Variants in SYNE2 observed in about 807,000 individuals in gnomAD.
SYNE2 encodes spectrin repeat containing nuclear envelope protein 2.
In SYNE2, 431 loss-of-function variants were observed where a neutral mutation model predicts 856.3. The observed-to-expected ratio is 0.50, with a 90% CI of 0.47 to 0.55. SYNE2 has a LOEUF of 0.55. Among genes scored for constraint, SYNE2 ranks in the 20% least tolerant of loss-of-function variants. SYNE2 has a pLI of 0.00. For missense variants in SYNE2, 8,129 were observed against 8,023.2 expected (o/e 1.01, Z -0.50); for synonymous variants, 2,923 against 2,872.3 (o/e 1.02, Z -0.56).
intron 21 of SYNE2, among the ~76,000 whole-genome samples, chr14:63,993,160 G>A (rs750918614): frequency 3.3e-5 from 5 of 152,214 alleles, no homozygotes; most frequent in Non-Finnish European, 7.3e-5. Flanking sequence ...AAACTTTGAA[G>A]TTGATGGTGA....
At chr14:64,138,948 T>G (rs376318407) in intron 79 of SYNE2, among the ~76,000 whole-genome samples, 4 of 88,192 alleles carry the variant, frequency 4.5e-5, no homozygotes, top group Admixed American at 1.2e-4. Context: ...GTATGTATGG[T>G]GTGTGTGTGT....
In SYNE2 at chr14:63,974,638, A is replaced by G. The variant is rs566066447; in HGVS notation, c.1129-1925A>G. Among the ~76,000 whole-genome samples, 8 of 150,924 alleles carry G rather than the reference A, an allele frequency of 5.3e-5. No homozygotes were observed. The East Asian group carries it at 1.6e-3, about 30-fold the overall frequency. ...CACTGGTGTGATCTTGGCTCACTGCAGCCTCCACCTCCTGGGTTCCAGCGA... is the reference window on the plus strand; with the variant it reads ...CACTGGTGTGATCTTGGCTCACTGCGGCCTCCACCTCCTGGGTTCCAGCGA... On this transcript the variant is annotated intron_variant, in intron 11 of 115. Coordinates refer to ENST00000555002, the MANE Select transcript of SYNE2 (RefSeq NM_182914.3).
At chr14:63,969,190 G>C (rs140356171) in intron 11 of SYNE2, among the ~76,000 whole-genome samples, 42 of 138,520 alleles carry the variant, frequency 3.0e-4, no homozygotes, top group African/African-American at 1.1e-3. Flanking sequence ...TTTTTTTTGA[G>C]ATGGAGTCTT....
chr14:64,035,833 C>A (rs1291994804), intron 45 of SYNE2, among the ~76,000 whole-genome samples: 2 of 151,570 alleles, frequency 1.3e-5, no homozygotes, highest in Non-Finnish European at 2.9e-5. Flanking sequence ...TAGTAGGACT[C>A]CAGGCATGTA....
intron 78 of SYNE2, among the ~76,000 whole-genome samples, chr14:64,136,955 C>G (rs1487173338): frequency 6.6e-6 from 1 of 152,222 alleles, no homozygotes; most frequent in Non-Finnish European, 1.5e-5. Context: ...CTAGAGCCAG[C>G]AGCTGCTGCT....
intron 57 of SYNE2, among the ~76,000 whole-genome samples, chr14:64,086,391 C>T (rs1487011563): frequency 6.6e-6 from 1 of 152,216 alleles, no homozygotes; most frequent in East Asian, 1.9e-4. Context: ...TGACAGTCTT[C>T]ATTACTATAG....
intron 18 of SYNE2, among the ~76,000 whole-genome samples, chr14:63,986,146 C>A (rs1467951961): frequency 2.6e-5 from 4 of 152,160 alleles, no homozygotes; most frequent in Non-Finnish European, 5.9e-5. Flanking sequence ...GTTGCCCAGG[C>A]TGGAATGCAG....
chr14:64,022,132 A>G, intron 37 of SYNE2, 104 bp downstream of exon 37: 1 of 1,074,108 alleles, frequency 9.3e-7, no homozygotes, highest in Non-Finnish European at 1.4e-6. Context: ...GATGGTTTGC[A>G]CAGACTACAT....
rs369550527 is a variant in SYNE2 at position 64,038,434 on chromosome 14, C to T, written c.7221+7077C>T. Reference sequence around the variant, plus strand: ...GCAGAGACACTCCTCACTTCCCAGACGGGGTGGCGGCTTGGCAGAGGCTGC... The same window carrying T: ...GCAGAGACACTCCTCACTTCCCAGATGGGGTGGCGGCTTGGCAGAGGCTGC... On this transcript the variant is annotated intron_variant, in intron 45 of 115. Coordinates refer to ENST00000555002, the MANE Select transcript of SYNE2 (RefSeq NM_182914.3). Among the ~76,000 whole-genome samples the T allele has an allele frequency of 1.1e-3, 162 of 152,358 alleles. 1 individual carries two copies. Among genetic ancestry groups the T allele is most frequent in the African/African-American group, 3.5e-3 (145 of 41,580 alleles).
intron 1 of SYNE2, among the ~76,000 whole-genome samples, chr14:63,840,606 G>T (rs1392975660): frequency 6.6e-6 from 1 of 151,220 alleles, no homozygotes; most frequent in Non-Finnish European, 1.5e-5. Flanking sequence ...CTCCCCAGTA[G>T]CAGGGATTAC....
intron 1 of SYNE2, among the ~76,000 whole-genome samples, chr14:63,807,859 A>G (rs1196622923): frequency 1.0e-5 from 1 of 99,988 alleles, no homozygotes; most frequent in African/African-American, 3.9e-5. Context: ...ATATATATAT[A>G]TATATAATTT....
intron 23 of SYNE2, 126 bp downstream of exon 23, chr14:63,995,328 A>G (rs2096704824): frequency 5.4e-6 from 4 of 739,618 alleles, no homozygotes; most frequent in Non-Finnish European, 6.7e-6. Flanking sequence ...CTCCCCGGGG[A>G]TGATCACTTC....
intron 49 of SYNE2, among the ~76,000 whole-genome samples, chr14:64,060,256 C>T (rs1168971289): frequency 6.6e-6 from 1 of 152,154 alleles, no homozygotes; most frequent in East Asian, 1.9e-4. Flanking sequence ...TGTGCTGAGT[C>T]CCACCTGAAG....
At chr14:63,894,445 C>A (rs1776662657) in intron 1 of SYNE2, among the ~76,000 whole-genome samples, 1 of 152,130 alleles carries the variant, frequency 6.6e-6, no homozygotes, top group African/African-American at 2.4e-5. Flanking sequence ...TGGTCTTGAA[C>A]TCCTGGCCTC....
At chr14:63,809,832 C>T (rs1888546414) in intron 1 of SYNE2, among the ~76,000 whole-genome samples, 1 of 151,418 alleles carries the variant, frequency 6.6e-6, no homozygotes, top group Admixed American at 6.6e-5. Flanking sequence ...TTGATAATTT[C>T]CTGAAATCAA....
At chr14:63,964,027 G>A (rs1296949926) in intron 10 of SYNE2, 27 bp downstream of exon 10, 16 of 1,359,330 alleles carry the variant, frequency 1.2e-5, no homozygotes, top group Non-Finnish European at 1.7e-5. Flanking sequence ...ACAGCTGTTT[G>A]TAATTTACCT....
At chr14:64,210,258 C>T in intron 103 of SYNE2, 134 bp downstream of exon 103, 1 of 1,181,290 alleles carries the variant, frequency 8.5e-7, no homozygotes, top group Non-Finnish European at 1.2e-6. Context: ...AACAGTCCTC[C>T]AACACAAAGA....
Position 64,083,146 on chromosome 14 carries a change from G to A in SYNE2, c.11484+1566G>A, listed in dbSNP as rs561978420. On this transcript the variant is annotated intron_variant, in intron 57 of 115. Coordinates refer to ENST00000555002, the MANE Select transcript of SYNE2 (RefSeq NM_182914.3). ...GCTGCTGACCTCAGACCTCCCTGAC[G>A]TTTGAGAATCGTTGGCATATTTTTT... Among the ~76,000 whole-genome samples, 7 of 152,176 alleles carry A rather than the reference G, an allele frequency of 4.6e-5. No individual in the cohort carries two copies. In the South Asian group the frequency reaches 1.2e-3, roughly 27 times the overall value.
At chr14:63,836,091 A>G (rs1033599545) in intron 1 of SYNE2, among the ~76,000 whole-genome samples, 5 of 152,028 alleles carry the variant, frequency 3.3e-5, no homozygotes, top group Admixed American at 1.3e-4. Flanking sequence ...GCTGGAGTGC[A>G]GTGCAATGCA....
Sources: gnomAD v4.1 joint callset for allele counts (sites outside exome capture counted in the v4.1 genomes callset) on GRCh38, gnomAD v4.1.1 for gene constraint, MANE v1.5 for transcripts, NCBI Gene and HGNC (gene_info 2026-07-23, HGNC 2026-07-21) for gene names.